TM4SF4: variants seen among roughly 807,000 people sequenced by gnomAD.
TM4SF4 encodes transmembrane 4 L6 family member 4.
TM4SF4 carries 24 observed loss-of-function variants against 24.1 expected under a neutral mutation model. The observed-to-expected ratio is 1.00, with a 90% CI of 0.72 to 1.40. TM4SF4 has a LOEUF of 1.40. Ranked by LOEUF, TM4SF4 falls within the 40% of genes most tolerant of loss-of-function variation. The pLI, the probability that TM4SF4 is intolerant of heterozygous loss-of-function variation, is 0.00. For synonymous variants in TM4SF4, 113 were observed against 97.0 expected (o/e 1.17, Z -0.97); for missense variants, 254 against 254.2 (o/e 1.00, Z 0.01).
chr3:149,482,153 TA>T (rs1482294418), intron 2 of TM4SF4, among the ~76,000 whole-genome samples: 1 of 152,208 alleles, frequency 6.6e-6, no homozygotes, highest in Non-Finnish European at 1.5e-5. Flanking sequence ...TCTTACATAT[TA>T]TCTGTAAGGC....
At chr3:149,481,425 T>C (rs1734031537) in intron 2 of TM4SF4, among the ~76,000 whole-genome samples, 1 of 152,174 alleles carries the variant, frequency 6.6e-6, no homozygotes, top group South Asian at 2.1e-4. Context: ...CCCTGTGAAT[T>C]CAGCATTAAA....
At chr3:149,484,046 G>A (rs1734077049) in intron 2 of TM4SF4, among the ~76,000 whole-genome samples, 1 of 152,138 alleles carries the variant, frequency 6.6e-6, no homozygotes, top group African/African-American at 2.4e-5. Context: ...CTCCCACAGT[G>A]CTGGGATTAC....
intron 2 of TM4SF4, 82 bp from the exon 3 acceptor site, chr3:149,487,537 T>C: frequency 6.5e-7 from 1 of 1,547,518 alleles, no homozygotes; most frequent in Middle Eastern, 1.7e-4. Context: ...GTCACCATGT[T>C]CAACAGCAGG....
intron 2 of TM4SF4, among the ~76,000 whole-genome samples, chr3:149,487,382 C>G (rs184730059): frequency 6.6e-6 from 1 of 152,076 alleles, no homozygotes; most frequent in Non-Finnish European, 1.5e-5. Context: ...GGTAACAGAA[C>G]CAACACCTCT....
intron 2 of TM4SF4, among the ~76,000 whole-genome samples, chr3:149,479,277 T>C (rs1022274683): frequency 2.0e-5 from 3 of 152,118 alleles, no homozygotes; most frequent in African/African-American, 7.2e-5. Flanking sequence ...ATTGAGCTCA[T>C]GCCCCCTGCT....
chr3:149,483,326 C>T (rs931466734), intron 2 of TM4SF4, among the ~76,000 whole-genome samples: 1 of 152,032 alleles, frequency 6.6e-6, no homozygotes, highest in South Asian at 2.1e-4. Context: ...GAATTGTAGG[C>T]CAGGTATGAT....
chr3:149,478,736 T>C (rs1426227685), intron 2 of TM4SF4, among the ~76,000 whole-genome samples: 1 of 152,140 alleles, frequency 6.6e-6, no homozygotes, highest in Non-Finnish European at 1.5e-5. Flanking sequence ...CAGAAGGATT[T>C]CTTGTCTTTG....
At chr3:149,486,220 C>T (rs1734113891) in intron 2 of TM4SF4, among the ~76,000 whole-genome samples, 1 of 152,142 alleles carries the variant, frequency 6.6e-6, no homozygotes, top group Non-Finnish European at 1.5e-5. Context: ...AAATAGCCGA[C>T]ATTTAGCTTA....
rs1310084200 is a variant in TM4SF4 at position 149,503,364 on chromosome 3, A to T, written c.*671A>T. ...ATCTTTTCTACAAATGCTTCCTTTG[A>T]TCAAACAAAAAAAAGTTTTTAAAAA... On this transcript the variant is annotated 3_prime_UTR_variant, in exon 5 of 5. Transcript: ENST00000305354. The T allele has an allele frequency of 6.6e-6, 1 of 152,218 alleles. No homozygotes were observed. The highest frequency in any genetic ancestry group is 1.5e-5 in the Non-Finnish European group (1 of 68,056). 9.4% of individuals were successfully genotyped at this position (152,218 alleles called of 1,614,324 possible).
intron 3 of TM4SF4, among the ~76,000 whole-genome samples, chr3:149,497,493 T>C (rs1371773572): frequency 1.3e-5 from 2 of 152,248 alleles, no homozygotes. Flanking sequence ...AAAGAGTTTT[T>C]CATTAAGGCT....
At chr3:149,477,212 T>C (rs1733948362) in intron 2 of TM4SF4, among the ~76,000 whole-genome samples, 1 of 152,224 alleles carries the variant, frequency 6.6e-6, no homozygotes, top group African/African-American at 2.4e-5. Context: ...TATATTGTGT[T>C]TCTATCTGCC....
intron 3 of TM4SF4, among the ~76,000 whole-genome samples, chr3:149,492,822 CT>C (rs1483566620): frequency 6.6e-6 from 1 of 152,146 alleles, no homozygotes; most frequent in Non-Finnish European, 1.5e-5. Context: ...TCATAAGCTG[CT>C]TGTAAACATA....
chr3:149,497,949 T>A (rs943675226), intron 3 of TM4SF4, among the ~76,000 whole-genome samples: 19 of 152,304 alleles, frequency 1.2e-4, no homozygotes, highest in African/African-American at 4.1e-4. Context: ...CCGGCCACAA[T>A]GCCCTTTATA....
At chr3:149,478,533 G>T (rs1733975608) in intron 2 of TM4SF4, among the ~76,000 whole-genome samples, 2 of 152,210 alleles carry the variant, frequency 1.3e-5, no homozygotes, top group African/African-American at 4.8e-5. Context: ...AATATAGGTT[G>T]TCTGTGGGGG....
At chr3:149,488,030 T>G (rs112977320) in intron 3 of TM4SF4, among the ~76,000 whole-genome samples, 17 of 152,302 alleles carry the variant, frequency 1.1e-4, no homozygotes, top group African/African-American at 3.8e-4. Flanking sequence ...GTGTCATCAC[T>G]TGCACCCAAA....
At chr3:149,495,144 GA>G in intron 3 of TM4SF4, 1 of 237,062 alleles carries the variant, frequency 4.2e-6, no homozygotes, top group South Asian at 6.5e-5. Flanking sequence ...AGAGACATGA[GA>G]AAATCATTAA....
intron 3 of TM4SF4, among the ~76,000 whole-genome samples, chr3:149,493,894 C>A (rs187142372): frequency 1.3e-5 from 2 of 152,154 alleles, no homozygotes; most frequent in African/African-American, 2.4e-5. Flanking sequence ...CCAGACAGAG[C>A]GCGCCAGCAA....
At chr3:149,478,713 G>A (rs1733977832) in intron 2 of TM4SF4, among the ~76,000 whole-genome samples, 1 of 152,216 alleles carries the variant, frequency 6.6e-6, no homozygotes, top group Admixed American at 6.5e-5. Context: ...TCGACCACAT[G>A]CTGGGTAGCC....
intron 2 of TM4SF4, among the ~76,000 whole-genome samples, chr3:149,480,929 C>T (rs77594048): frequency 0.014 from 2,089 of 152,180 alleles, 48 homozygotes; most frequent in African/African-American, 0.047. Context: ...GGCGCGATCT[C>T]GGCTCGCTGC....
Sources: gnomAD v4.1 joint callset for allele counts (sites outside exome capture counted in the v4.1 genomes callset) on GRCh38, gnomAD v4.1.1 for gene constraint, MANE v1.5 for transcripts, NCBI Gene and HGNC (gene_info 2026-07-23, HGNC 2026-07-21) for gene names.